Variants in LIMD1 observed in about 807,000 individuals in gnomAD.
The protein encoded by LIMD1 is LIM domain containing 1.
LIMD1 carries 23 observed loss-of-function variants against 58.4 expected under a neutral mutation model. The ratio of observed to expected loss-of-function variants is 0.39; its 90% CI spans 0.28 to 0.56. The LOEUF is 0.56. Among genes scored for constraint, LIMD1 ranks in the 20% least tolerant of loss-of-function variants. The pLI is 0.57. For missense variants in LIMD1, 838 were observed against 855.5 expected, an observed-to-expected ratio of 0.98 and a Z score of 0.25; for synonymous variants, 334 against 345.5, an observed-to-expected ratio of 0.97 and a Z score of 0.37.
intron 2 of LIMD1, among the ~76,000 whole-genome samples, chr3:45,637,242 G>T (rs1701797869): frequency 6.6e-6 from 1 of 151,942 alleles, no homozygotes; most frequent in Admixed American, 6.6e-5. Flanking sequence ...TGGGGCCAGG[G>T]CATCACCCTT....
intron 6 of LIMD1, chr3:45,673,710 T>A (rs1239259515): frequency 3.3e-6 from 2 of 599,074 alleles, no homozygotes; most frequent in Non-Finnish European, 6.0e-6. Flanking sequence ...GGCCTGGAGT[T>A]TAAGAACAGC....
At chr3:45,599,099 C>T (rs929563010) in intron 1 of LIMD1, among the ~76,000 whole-genome samples, 1 of 152,124 alleles carries the variant, frequency 6.6e-6, no homozygotes, top group Non-Finnish European at 1.5e-5. Flanking sequence ...GCCAAACAGT[C>T]TCCCAAGCAG....
In LIMD1 at chr3:45,595,896, T is replaced by A. The variant is rs765119556; in HGVS notation, c.1017T>A (p.Asp339Glu). 3.1e-6 allele frequency: 5 copies of A among 1,614,216 alleles called. No individual in the cohort carries two copies. The Admixed American group carries it at 6.7e-5, about 22-fold the overall frequency. ...PNVDPQPWFQ[D>E]GPKSYLSSSA... ...TGGACCCCCAACCCTGGTTCCAGGA[T>A]GGGCCCAAATCTTACCTTTCCAGTT... The change falls in exon 1 of 8, where the codon GAT becomes GAA. Residue 339 changes from aspartate (D) to glutamate (E), a missense_variant. Transcript: ENST00000273317.
In LIMD1 at chr3:45,595,726, G is replaced by A. The variant is rs749761214; in HGVS notation, c.847G>A (p.Gly283Arg). 21 of 1,613,986 alleles carry A rather than the reference G, an allele frequency of 1.3e-5. No homozygotes were observed. Among genetic ancestry groups the A allele is most frequent in the Non-Finnish European group, 1.6e-5 (19 of 1,180,046 alleles). Reference sequence around the variant, plus strand: ...CCTGCCTTCCCCAAACTTGGAGAACGGAGCACCAGCTGTGGGGCCTGTTCA... The same window carrying A: ...CCTGCCTTCCCCAAACTTGGAGAACAGAGCACCAGCTGTGGGGCCTGTTCA... ...PGLPSPNLEN[G>R]APAVGPVQPR... Residue 283 changes from glycine (G) to arginine (R), a missense_variant, in exon 1 of 8, where the codon GGA becomes AGA. By Grantham distance (125) the Gly-to-Arg change is moderately radical. Transcript: ENST00000273317.
intron 1 of LIMD1, among the ~76,000 whole-genome samples, chr3:45,632,724 C>A (rs1453863323): frequency 3.3e-5 from 5 of 152,218 alleles, no homozygotes; most frequent in African/African-American, 4.8e-5. Context: ...TAGCAACTCA[C>A]CACAGCATGG....
intron 7 of LIMD1, among the ~76,000 whole-genome samples, chr3:45,675,394 T>A (rs1174273428): frequency 6.6e-6 from 1 of 152,164 alleles, no homozygotes; most frequent in Non-Finnish European, 1.5e-5. Flanking sequence ...GTGGGCGTGG[T>A]GGCACACGCC....
chr3:45,673,304 G>C, intron 5 of LIMD1, 150 bp from the exon 6 acceptor site: 1 of 672,130 alleles, frequency 1.5e-6, no homozygotes, highest in Non-Finnish European at 2.7e-6. Context: ...ATTCCACAAA[G>C]TGAGCCAGGT....
chr3:45,664,404 G>A (rs1237782689), intron 2 of LIMD1, among the ~76,000 whole-genome samples: 1 of 152,118 alleles, frequency 6.6e-6, no homozygotes, highest in African/African-American at 2.4e-5. Context: ...CTCTGTTAGA[G>A]TATTGCCAAA....
chr3:45,616,541 G>A (rs1429056110), intron 1 of LIMD1, among the ~76,000 whole-genome samples: 1 of 151,266 alleles, frequency 6.6e-6, no homozygotes, highest in Admixed American at 6.6e-5. Flanking sequence ...AGCCTTGGAG[G>A]TCCTGCCTTC....
chr3:45,597,961 A>T (rs1025500887), intron 1 of LIMD1, among the ~76,000 whole-genome samples: 1 of 151,940 alleles, frequency 6.6e-6, no homozygotes, highest in African/African-American at 2.4e-5. Context: ...TACTTTTTTT[A>T]AATTTATTTT....
At chr3:45,598,501 A>G (rs1340539846) in intron 1 of LIMD1, among the ~76,000 whole-genome samples, 1 of 152,210 alleles carries the variant, frequency 6.6e-6, no homozygotes, top group Non-Finnish European at 1.5e-5. Flanking sequence ...TTCAGCATAT[A>G]TTAAAATTTA....
chr3:45,615,877 G>A (rs1259349488), intron 1 of LIMD1, among the ~76,000 whole-genome samples: 1 of 152,024 alleles, frequency 6.6e-6, no homozygotes, highest in Non-Finnish European at 1.5e-5. Context: ...CTTTTACATG[G>A]GAGTTTTCGT....
At chr3:45,673,853 G>A (rs779642698) in intron 6 of LIMD1, 8 of 297,398 alleles carry the variant, frequency 2.7e-5, no homozygotes, top group Non-Finnish European at 5.1e-5. Flanking sequence ...TGGTGCTACT[G>A]CATTCCAGCA....
At chr3:45,628,354 G>A (rs1025028996) in intron 1 of LIMD1, among the ~76,000 whole-genome samples, 3 of 152,170 alleles carry the variant, frequency 2.0e-5, no homozygotes, top group African/African-American at 7.2e-5. Context: ...AGATTTGGGC[G>A]TCTCACTAAA....
At chr3:45,674,874 G>A (rs531447228) in intron 7 of LIMD1, among the ~76,000 whole-genome samples, 18 of 152,268 alleles carry the variant, frequency 1.2e-4, no homozygotes, top group African/African-American at 3.4e-4. Flanking sequence ...GTGTGAAGGC[G>A]GGTGGGGTCC....
At chr3:45,619,800 A>G (rs2125653631) in intron 1 of LIMD1, among the ~76,000 whole-genome samples, 1 of 151,170 alleles carries the variant, frequency 6.6e-6, no homozygotes, top group South Asian at 2.1e-4. Context: ...CTCCATCTAA[A>G]AAAATTAATA....
intron 2 of LIMD1, among the ~76,000 whole-genome samples, chr3:45,642,284 T>C (rs1701850678): frequency 6.6e-6 from 1 of 152,006 alleles, no homozygotes; most frequent in Non-Finnish European, 1.5e-5. Context: ...CAGGCGATCC[T>C]CCTGCCTCAG....
chr3:45,651,409 G>A (rs9846544), intron 2 of LIMD1, among the ~76,000 whole-genome samples: 111,267 of 152,008 alleles, frequency 0.73, 42,054 homozygotes, highest in East Asian at 0.97. Flanking sequence ...GTCCTTGCCT[G>A]TGCGTGTGTC....
chr3:45,638,760 C>T (rs1304245889), intron 2 of LIMD1, among the ~76,000 whole-genome samples: 1 of 151,862 alleles, frequency 6.6e-6, no homozygotes, highest in Non-Finnish European at 1.5e-5. Context: ...TTTACACTCC[C>T]ACCAACTGTG....
Sources: gnomAD v4.1 joint callset for allele counts (sites outside exome capture counted in the v4.1 genomes callset) on GRCh38, gnomAD v4.1.1 for gene constraint, MANE v1.5 for transcripts, NCBI Gene and HGNC (gene_info 2026-07-23, HGNC 2026-07-21) for gene names.